The following CNTNAP5 variants were observed in gnomAD, a reference collection of about 807,000 sequenced individuals.
The protein encoded by CNTNAP5 is contactin-associated protein-like 5.
A neutral mutation model predicts 150.2 loss-of-function variants in CNTNAP5; 72 were observed. That is an observed-to-expected ratio of 0.48 (90% CI 0.40 to 0.58). The LOEUF is 0.58. Ranked by LOEUF, CNTNAP5 falls within the 20% of genes least tolerant of loss-of-function variation. The probability of loss-of-function intolerance (pLI) is 0.00; values close to 1 mark genes in which losing one functional copy is unlikely to be tolerated. For missense variants in CNTNAP5, 1,636 were observed against 1,626.2 expected, an observed-to-expected ratio of 1.01 and a Z score of -0.10; for synonymous variants, 672 against 619.8, an observed-to-expected ratio of 1.08 and a Z score of -1.25.
chr2:124,254,817 C>T (rs1005824358), intron 3 of CNTNAP5, among the ~76,000 whole-genome samples: 1 of 152,128 alleles, frequency 6.6e-6, no homozygotes, highest in East Asian at 1.9e-4. Flanking sequence ...GGCTGCCTAG[C>T]CATTCAAAAT....
chr2:124,623,411 A>G (rs1020643408), intron 12 of CNTNAP5, among the ~76,000 whole-genome samples: 1 of 152,182 alleles, frequency 6.6e-6, no homozygotes, highest in South Asian at 2.1e-4. Context: ...GTGAATCTTT[A>G]TAAGTTTATA....
intron 1 of CNTNAP5, among the ~76,000 whole-genome samples, chr2:124,034,081 G>T (rs1681139244): frequency 6.6e-6 from 1 of 152,122 alleles, no homozygotes; most frequent in African/African-American, 2.4e-5. Context: ...CATATTACAT[G>T]GCCAAAAGTA....
chr2:124,334,821 A>AT (rs940522757), intron 3 of CNTNAP5, among the ~76,000 whole-genome samples: 4 of 149,924 alleles, frequency 2.7e-5, no homozygotes, highest in Admixed American at 6.7e-5. Context: ...GAGTTGTCTA[A>AT]TTTTTTTTTT....
intron 4 of CNTNAP5, among the ~76,000 whole-genome samples, chr2:124,419,461 C>G (rs1170933821): frequency 1.3e-5 from 2 of 152,070 alleles, no homozygotes; most frequent in African/African-American, 2.4e-5. Context: ...AACACTCTAT[C>G]CAGAAAAATA....
At chr2:124,658,814 C>G (rs758024311) in intron 13 of CNTNAP5, among the ~76,000 whole-genome samples, 6 of 152,088 alleles carry the variant, frequency 3.9e-5, no homozygotes, top group African/African-American at 7.2e-5. Flanking sequence ...GAAATTATAC[C>G]AACTACACAG....
intron 10 of CNTNAP5, among the ~76,000 whole-genome samples, chr2:124,557,873 C>T (rs1408521334): frequency 6.6e-6 from 1 of 151,942 alleles, no homozygotes; most frequent in Non-Finnish European, 1.5e-5. Context: ...AGTGCAAGAA[C>T]CCTGACAAGG....
intron 17 of CNTNAP5, among the ~76,000 whole-genome samples, chr2:124,779,981 G>A (rs982342898): frequency 6.6e-6 from 1 of 152,050 alleles, no homozygotes; most frequent in Non-Finnish European, 1.5e-5. Context: ...ACCAGTAAAG[G>A]TTTTCTAATA....
intron 3 of CNTNAP5, among the ~76,000 whole-genome samples, chr2:124,331,264 G>C (rs190161048): frequency 1.3e-5 from 2 of 152,036 alleles, no homozygotes; most frequent in Admixed American, 6.6e-5. Context: ...TAATAATGTC[G>C]CAAATGACAA....
intron 19 of CNTNAP5, among the ~76,000 whole-genome samples, chr2:124,855,167 C>CTTTTT (rs70999224): frequency 8.4e-4 from 60 of 71,470 alleles, no homozygotes; most frequent in East Asian, 3.2e-3. Context: ...TGGGCTTTTG[C>CTTTTT]TTTTTTTTTT....
chr2:124,203,236 T>C (rs1173063485), intron 1 of CNTNAP5, among the ~76,000 whole-genome samples: 1 of 152,164 alleles, frequency 6.6e-6, no homozygotes, highest in African/African-American at 2.4e-5. Context: ...TGATCTCCTT[T>C]GACTCCATGT....
chr2:124,735,059 G>A lies in CNTNAP5; in HGVS notation c.2078-12170G>A, dbSNP rs377115405. On this transcript the variant is annotated intron_variant, in intron 13 of 23. Coordinates refer to ENST00000682447, the MANE Select transcript of CNTNAP5 (RefSeq NM_001367498.1). ...GTAAAATGCATTAATGTATGGCTGT[G>A]TGATATCCATTTTAATGTTGTTGAC... is the stretch of plus-strand genomic sequence containing the variant. Among the ~76,000 whole-genome samples, 44 of 152,258 alleles carry A rather than the reference G, an allele frequency of 2.9e-4. 1 individual carries two copies. The East Asian group carries it at 8.1e-3, about 28-fold the overall frequency.
intron 10 of CNTNAP5, among the ~76,000 whole-genome samples, chr2:124,532,817 T>A (rs1332252663): frequency 6.6e-6 from 1 of 152,016 alleles, no homozygotes; most frequent in Non-Finnish European, 1.5e-5. Flanking sequence ...AAAATGAGAG[T>A]GTGCGAGAAG....
chr2:124,122,886 A>G (rs1175899414), intron 1 of CNTNAP5, among the ~76,000 whole-genome samples: 1 of 150,728 alleles, frequency 6.6e-6, no homozygotes, highest in African/African-American at 2.4e-5. Context: ...GTCTAGTGAT[A>G]AGAAAAAAAA....
In CNTNAP5 at chr2:124,349,352, T is replaced by C. The variant is rs1450946598; in HGVS notation, c.382-68091T>C. Among the ~76,000 whole-genome samples, 3 of 152,318 alleles carry C rather than the reference T, an allele frequency of 2.0e-5. No individual in the cohort carries two copies. The East Asian group carries it at 5.8e-4, about 29-fold the overall frequency. ...AGGAAAGGTAGAATAAAAAATGTTG[T>C]ATTATAATTTTATGAGACCACCATC... On this transcript the variant is annotated intron_variant, in intron 3 of 23. Coordinates refer to ENST00000682447, the MANE Select transcript of CNTNAP5 (RefSeq NM_001367498.1).
chr2:124,412,546 A>C (rs976566506), intron 3 of CNTNAP5, among the ~76,000 whole-genome samples: 2 of 151,846 alleles, frequency 1.3e-5, no homozygotes, highest in African/African-American at 2.4e-5. Flanking sequence ...AGATCAATGG[A>C]ACAGAGCAGA....
At chr2:124,073,958 T>C (rs1165360609) in intron 1 of CNTNAP5, among the ~76,000 whole-genome samples, 4 of 152,104 alleles carry the variant, frequency 2.6e-5, no homozygotes, top group African/African-American at 9.7e-5. Context: ...AACAGATGAA[T>C]AGATGAAGAA....
chr2:124,757,222 A>G (rs934740876), intron 14 of CNTNAP5, among the ~76,000 whole-genome samples: 2 of 152,228 alleles, frequency 1.3e-5, no homozygotes, highest in African/African-American at 4.8e-5. Context: ...ACTCCCAGAA[A>G]TCCTGTCAAG....
intron 13 of CNTNAP5, among the ~76,000 whole-genome samples, chr2:124,745,396 C>T (rs1037149611): frequency 3.9e-5 from 6 of 152,050 alleles, no homozygotes; most frequent in African/African-American, 1.4e-4. Context: ...CCAAGGACAA[C>T]ACTGACAAAT....
intron 10 of CNTNAP5, among the ~76,000 whole-genome samples, chr2:124,540,772 G>A (rs1695362399): frequency 6.6e-6 from 1 of 152,044 alleles, no homozygotes; most frequent in South Asian, 2.1e-4. Context: ...ATATACTTGA[G>A]TGCCGACCAC....
Sources: allele counts gnomAD v4.1 joint callset (sites outside exome capture counted in the v4.1 genomes callset), GRCh38; gene constraint gnomAD v4.1.1; transcripts MANE v1.5; gene names NCBI Gene and HGNC (gene_info 2026-07-23, HGNC 2026-07-21).